The following ARHGEF4 variants were observed in gnomAD, a reference collection of about 807,000 sequenced individuals.
ARHGEF4 encodes the protein APC-stimulated guanine nucleotide exchange factor 1.
ARHGEF4 carries 119 observed loss-of-function variants against 162.0 expected under a neutral mutation model. The observed-to-expected ratio is 0.73, with a 90% CI of 0.63 to 0.86. The LOEUF (loss-of-function observed/expected upper bound fraction) is 0.86, where lower values mean the gene tolerates loss of function less well. ARHGEF4 is among the 40% of genes least tolerant of loss of function. ARHGEF4 has a pLI of 0.00. For missense variants in ARHGEF4, 2,488 were observed against 2,456.0 expected, an observed-to-expected ratio of 1.01 and a Z score of -0.28; for synonymous variants, 1,014 against 979.9, an observed-to-expected ratio of 1.03 and a Z score of -0.65.
chr2:131,042,042 G>T, intron 10 of ARHGEF4, 98 bp downstream of exon 10: 1 of 1,468,836 alleles, frequency 6.8e-7, no homozygotes, highest in Non-Finnish European at 9.1e-7. Flanking sequence ...CTGAAGCAGG[G>T]AGCTGCGCTC....
intron 1 of ARHGEF4, chr2:130,837,801 C>T (rs1017922753): frequency 3.6e-6 from 1 of 276,110 alleles, no homozygotes; most frequent in African/African-American, 2.4e-5. Flanking sequence ...GGGGAAGAGC[C>T]ACCAGCTGTC....
In ARHGEF4 at chr2:130,916,062, C is replaced by A. The variant is rs1239985303; in HGVS notation, c.2116C>A (p.Arg706=). The A allele has an allele frequency of 6.5e-7, 1 of 1,550,048 alleles. No homozygotes were observed. Residue 706 remains arginine, a synonymous_variant, in exon 2 of 14, where the codon CGG becomes AGG. Coordinates refer to ENST00000409359, the MANE Select transcript of ARHGEF4 (RefSeq NM_001367493.1). ...IQGAGDGALQ[R]VAQAAELGRV... ...GGGAGCTGGCGATGGGGCTCTTCAG[C>A]GGGTGGCCCAGGCCGCAGAGCTTGG...
At chr2:131,026,642 G>A (rs1689491015) in intron 4 of ARHGEF4, among the ~76,000 whole-genome samples, 1 of 152,126 alleles carries the variant, frequency 6.6e-6, no homozygotes, top group Non-Finnish European at 1.5e-5. Flanking sequence ...ATAGATAAAA[G>A]GTCAACTCAT....
chr2:130,885,201 T>C (rs754144276), intron 1 of ARHGEF4, among the ~76,000 whole-genome samples: 24 of 152,102 alleles, frequency 1.6e-4, no homozygotes, highest in Non-Finnish European at 3.2e-4. Context: ...ACTGTAATCA[T>C]GTTTACTTGT....
At chr2:130,906,427 T>A (rs1574202452) in intron 1 of ARHGEF4, among the ~76,000 whole-genome samples, 1 of 152,242 alleles carries the variant, frequency 6.6e-6, no homozygotes, top group Non-Finnish European at 1.5e-5. Flanking sequence ...TGGATTAGTA[T>A]ACAAATATAA....
chr2:130,914,543 G>T lies in ARHGEF4; in HGVS notation c.597G>T (p.Gly199=), dbSNP rs894269879. 2.1e-6 allele frequency: 3 copies of T among 1,415,206 alleles called. No individual in the cohort carries two copies. The highest frequency in any genetic ancestry group is 2.5e-5 in the East Asian group (1 of 39,328). 87.7% of individuals were successfully genotyped at this position (1,415,206 alleles called of 1,614,324 possible). ...GCAGTGGTCCTGAGCCAGTACAGGGGGTGGCTGTTCAAGACCTCAGAGGGC... is the reference window on the plus strand; with the variant it reads ...GCAGTGGTCCTGAGCCAGTACAGGGTGTGGCTGTTCAAGACCTCAGAGGGC... ...TDSSGPEPVQ[G]VAVQDLRGLS... The change falls in exon 2 of 14, where the codon GGG becomes GGT. Residue 199 remains glycine (G), a synonymous_variant. Coordinates refer to ENST00000409359, the MANE Select transcript of ARHGEF4 (RefSeq NM_001367493.1).
At chr2:130,981,942 A>T (rs973227128) in intron 4 of ARHGEF4, among the ~76,000 whole-genome samples, 14 of 152,194 alleles carry the variant, frequency 9.2e-5, no homozygotes, top group African/African-American at 3.4e-4. Flanking sequence ...AGCAATACAA[A>T]CATGTACACT....
chr2:131,039,095 A>G, intron 6 of ARHGEF4, 63 bp downstream of exon 6: 1 of 1,507,264 alleles, frequency 6.6e-7, no homozygotes. Context: ...GGTTCTGCAG[A>G]GAAATCCAAG....
intron 1 of ARHGEF4, among the ~76,000 whole-genome samples, chr2:130,846,484 A>C (rs272105): frequency 0.16 from 23,942 of 151,816 alleles, 2,526 homozygotes; most frequent in African/African-American, 0.29. Context: ...CAGCGCCCTC[A>C]CTCCAGGACC....
At chr2:130,973,400 G>T (rs1373034999) in intron 4 of ARHGEF4, among the ~76,000 whole-genome samples, 5 of 152,158 alleles carry the variant, frequency 3.3e-5, no homozygotes, top group African/African-American at 9.7e-5. Flanking sequence ...GAAGCAGGAG[G>T]ATTACTTGAA....
rs1690814892 is a variant in ARHGEF4, at chr2:131,041,609, G to A, written c.4895+147G>A. 6.4e-6 allele frequency: 7 copies of A among 1,089,048 alleles called. No individual in the cohort carries two copies. The Admixed American group carries it at 7.7e-5, about 12-fold the overall frequency. The allele number at this position is 1,089,048 out of a possible 1,614,324, so 67.5% of individuals were successfully genotyped here. A position where few individuals can be genotyped will look rare whatever the true frequency, so the allele number is the denominator to read the frequency against. On this transcript the variant is annotated intron_variant, in intron 9 of 13. Coordinates refer to ENST00000409359, the MANE Select transcript of ARHGEF4 (RefSeq NM_001367493.1). Reference sequence around the variant, plus strand: ...CCTGTCCTGATGAGCTCCTTGCAATGGGGGAAGAGGATGCCAACAGGATAT... The same window carrying A: ...CCTGTCCTGATGAGCTCCTTGCAATAGGGGAAGAGGATGCCAACAGGATAT...
intron 1 of ARHGEF4, among the ~76,000 whole-genome samples, chr2:130,856,439 T>C (rs1244307337): frequency 6.6e-6 from 1 of 152,062 alleles, no homozygotes. Context: ...TATAAAAAAA[T>C]GGAAATAATT....
At chr2:130,918,111 G>A (rs1015701878) in intron 2 of ARHGEF4, among the ~76,000 whole-genome samples, 1 of 152,172 alleles carries the variant, frequency 6.6e-6, no homozygotes, top group East Asian at 1.9e-4. Flanking sequence ...GTCTGTGCAG[G>A]CTTTTGTGTT....
chr2:131,018,429 A>G (rs78029924), intron 4 of ARHGEF4, among the ~76,000 whole-genome samples: 4,020 of 152,090 alleles, frequency 0.026, 164 homozygotes, highest in African/African-American at 0.091. Flanking sequence ...GAGTTGGGCT[A>G]GTTTTTGAGT....
chr2:130,923,750 C>T (rs1353311950), intron 2 of ARHGEF4, among the ~76,000 whole-genome samples: 1 of 152,176 alleles, frequency 6.6e-6, no homozygotes, highest in Non-Finnish European at 1.5e-5. Flanking sequence ...AACCAAGTCT[C>T]AACTGATGAG....
rs536091675 is a variant in ARHGEF4, at chr2:130,953,995, C to T, written c.3985+7360C>T. 1.2e-3 allele frequency among the ~76,000 whole-genome samples: 188 copies of T among 152,322 alleles called. 1 individual carries two copies. Among genetic ancestry groups the T allele is most frequent in the African/African-American group, 4.0e-3 (165 of 41,576 alleles). ...TCAACCATTGTGGAAGACAGTGTGACGATTCCTCAAGGATCTAGAACTAGA... is the reference window on the plus strand; with the variant it reads ...TCAACCATTGTGGAAGACAGTGTGATGATTCCTCAAGGATCTAGAACTAGA... On this transcript the variant is annotated intron_variant, in intron 4 of 13. Coordinates refer to ENST00000409359, the MANE Select transcript of ARHGEF4 (RefSeq NM_001367493.1).
rs1180593553 is a variant in ARHGEF4, at chr2:131,038,870, T to C, written c.4143T>C (p.Ser1381=). 3.0e-5 allele frequency: 48 copies of C among 1,609,876 alleles called. No individual in the cohort carries two copies. Among genetic ancestry groups the C allele is most frequent in the African/African-American group, 4.0e-5 (3 of 74,776 alleles). ...LAINELISDG[S]VVCAEALWDH... ...CTCGGCAGCTCATCAGCGATGGCAG[T>C]GTGGTCTGCGCTGAAGCACTCTGGG... Residue 1381 remains serine, a synonymous_variant, in exon 6 of 14, where the codon AGT becomes AGC. Transcript: ENST00000409359.
Position 130,916,457 on chromosome 2 carries a change from G to C in ARHGEF4, c.2511G>C (p.Pro837=). The C allele has an allele frequency of 1.3e-6, 2 of 1,541,918 alleles. No homozygotes were observed. Among genetic ancestry groups the C allele is most frequent in the South Asian group, 1.2e-5 (1 of 83,822 alleles). Residue 837 remains proline (P), a synonymous_variant, in exon 2 of 14, where the codon CCG becomes CCC. Coordinates refer to ENST00000409359, the MANE Select transcript of ARHGEF4 (RefSeq NM_001367493.1). ...SGPEGLPREN[P]PAAAGRDAPP... is the part of the protein sequence containing the mutation. ...CCGAGGGGCTCCCCAGGGAGAATCC[G>C]CCCGCTGCGGCCGGTCGGGACGCAC... is the stretch of plus-strand genomic sequence containing the variant.
At chr2:130,922,565 C>A (rs898254529) in intron 2 of ARHGEF4, among the ~76,000 whole-genome samples, 1 of 152,126 alleles carries the variant, frequency 6.6e-6, no homozygotes, top group African/African-American at 2.4e-5. Context: ...ATGGAAGTAA[C>A]ACCGGTTGGT....
Sources: allele counts gnomAD v4.1 joint callset (sites outside exome capture counted in the v4.1 genomes callset), GRCh38; gene constraint gnomAD v4.1.1; transcripts MANE v1.5; gene names NCBI Gene and HGNC (gene_info 2026-07-23, HGNC 2026-07-21).